PCDH15: variants seen among roughly 807,000 people sequenced by gnomAD.
PCDH15 encodes protocadherin-15.
A neutral mutation model predicts 178.5 loss-of-function variants in PCDH15; 129 were observed. That is an observed-to-expected ratio of 0.72 (90% confidence interval 0.63 to 0.84). PCDH15 has a LOEUF of 0.84. Among genes scored for constraint, PCDH15 ranks in the 40% least tolerant of loss-of-function variants. PCDH15 has a pLI of 0.00. For missense variants in PCDH15, 2,230 were observed against 2,099.9 expected (o/e 1.06, Z -1.21); for synonymous variants, 800 against 732.0 (o/e 1.09, Z -1.50).
rs1442554906 is a variant in PCDH15 at position 55,175,007 on chromosome 10, G to GT, written c.-155-8357_-155-8356insA. 8.8e-3 allele frequency among the ~76,000 whole-genome samples: 1,333 copies of GT among 152,232 alleles called. 10 individuals carry two copies. The highest frequency in any genetic ancestry group is 0.02 in the Middle Eastern group (6 of 294). The stretch of plus-strand genomic sequence containing the variant: ...TACTTTTGACTACCACTGAGAAGCA[G>GT]GCCGACTTACAAACAGCAGAGAAGT... On this transcript the variant is annotated intron_variant, in intron 1 of 5. Coordinates refer to the PCDH15 transcript ENST00000458638.
intron 1 of PCDH15, among the ~76,000 whole-genome samples, chr10:55,203,030 C>T (rs1397721211): frequency 6.6e-6 from 1 of 152,078 alleles, no homozygotes. Flanking sequence ...ACAATACCAT[C>T]AATTCAATCT....
rs183607475 is a variant in PCDH15, at chr10:54,569,957, G to A, written c.92-42080C>T. ...TTTTAGATAAGATCTAAAGTTAAAA[G>A]CTATAAATCAGACCTCTAGAGGAGG... is the stretch of plus-strand genomic sequence containing the variant. On this transcript the variant is annotated intron_variant, in intron 2 of 37. Transcript: ENST00000644397. Among the ~76,000 whole-genome samples the A allele has an allele frequency of 3.9e-4, 60 of 152,132 alleles. No homozygotes were observed. In the East Asian group the frequency reaches 0.011, roughly 28 times the overall value.
intron 5 of PCDH15, among the ~76,000 whole-genome samples, chr10:54,367,668 G>T (rs976117718): frequency 6.6e-6 from 1 of 151,784 alleles, no homozygotes; most frequent in Non-Finnish European, 1.5e-5. Context: ...GGAGTGAGGG[G>T]GTAGGAGAGG....
chr10:54,090,196 G>T, intron 15 of PCDH15, 133 bp from the exon 16 acceptor site: 2 of 717,240 alleles, frequency 2.8e-6, no homozygotes, highest in Non-Finnish European at 4.8e-6. Context: ...TTAAAGCATG[G>T]CCTAATGGCA....
chr10:55,451,657 T>C (rs543656326), intron 2 of PCDH15, among the ~76,000 whole-genome samples: 2 of 152,322 alleles, frequency 1.3e-5, no homozygotes, highest in South Asian at 4.1e-4. Context: ...ACATGTGTGA[T>C]ACTACCAAAG....
At chr10:54,277,041 CG>C (rs1366234285) in intron 8 of PCDH15, among the ~76,000 whole-genome samples, 2 of 151,486 alleles carry the variant, frequency 1.3e-5, no homozygotes, top group Non-Finnish European at 1.5e-5. Flanking sequence ...AAATTCAGCA[CG>C]TTTTTTTTCC....
intron 2 of PCDH15, among the ~76,000 whole-genome samples, chr10:55,440,728 C>G (rs12414015): frequency 6.6e-6 from 1 of 152,146 alleles, no homozygotes. Context: ...TGTATCAGTC[C>G]GTTTTCACAC....
At chr10:54,329,120 T>C (rs1299742953) in intron 7 of PCDH15, among the ~76,000 whole-genome samples, 1 of 151,872 alleles carries the variant, frequency 6.6e-6, no homozygotes, top group African/African-American at 2.4e-5. Context: ...CAATAAATGA[T>C]AGCCATGAGG....
At chr10:54,911,472 T>C (rs1415871372) in intron 2 of PCDH15, among the ~76,000 whole-genome samples, 1 of 152,186 alleles carries the variant, frequency 6.6e-6, no homozygotes, top group Non-Finnish European at 1.5e-5. Flanking sequence ...ATAATCTATA[T>C]GATGGGTATA....
chr10:54,793,421 A>G (rs1012276389), intron 1 of PCDH15, among the ~76,000 whole-genome samples: 2 of 151,780 alleles, frequency 1.3e-5, no homozygotes, highest in African/African-American at 4.8e-5. Context: ...CTGAAAAATC[A>G]TGGAATTTAG....
At chr10:55,355,534 T>C (rs568248784) in intron 2 of PCDH15, among the ~76,000 whole-genome samples, 1 of 152,114 alleles carries the variant, frequency 6.6e-6, no homozygotes, top group Admixed American at 6.6e-5. Context: ...CACATTTATA[T>C]CTTCCTGGGT....
chr10:54,536,821 A>T (rs180832876), intron 2 of PCDH15, among the ~76,000 whole-genome samples: 1 of 152,084 alleles, frequency 6.6e-6, no homozygotes, highest in African/African-American at 2.4e-5. Flanking sequence ...TGCAAACAAC[A>T]TGATTTCATT....
Position 54,242,187 on chromosome 10 carries a change from TACACAC to T in PCDH15, c.877-5262_877-5257del, listed in dbSNP as rs71007827. On this transcript the variant is annotated intron_variant, in intron 8 of 37. Coordinates refer to ENST00000644397, the MANE Select transcript of PCDH15 (RefSeq NM_001384140.1). The stretch of plus-strand genomic sequence containing the variant: ...ATATATATATATATATATATATATA[TACACAC>T]ACACACATACATACATACACATAAT... 1.4e-4 allele frequency among the ~76,000 whole-genome samples: 11 copies of T among 76,804 alleles called. 1 individual carries two copies. The highest frequency in any genetic ancestry group is 4.3e-4 in the African/African-American group (8 of 18,604). The allele number at this position is 76,804 out of a possible 152,430, so 50.4% of individuals were successfully genotyped here.
chr10:54,357,638 T>C (rs1019873278), intron 5 of PCDH15, among the ~76,000 whole-genome samples: 1 of 152,182 alleles, frequency 6.6e-6, no homozygotes, highest in African/African-American at 2.4e-5. Flanking sequence ...ATGAATGACT[T>C]TCTTCACAGA....
chr10:54,020,169 C>G, intron 20 of PCDH15, 23 bp downstream of exon 20: 2 of 1,606,088 alleles, frequency 1.2e-6, no homozygotes, highest in Non-Finnish European at 8.5e-7. Flanking sequence ...AGCAGGCAAC[C>G]AGAAGTCATC....
chr10:54,681,631 G>C (rs1431161836), intron 1 of PCDH15, among the ~76,000 whole-genome samples: 5 of 152,128 alleles, frequency 3.3e-5, no homozygotes, highest in African/African-American at 1.2e-4. Context: ...TTTTAGTGGA[G>C]GAGTGGGAAC....
intron 2 of PCDH15, among the ~76,000 whole-genome samples, chr10:55,555,748 T>C (rs980800192): frequency 1.3e-5 from 2 of 152,098 alleles, no homozygotes; most frequent in African/African-American, 4.8e-5. Flanking sequence ...TTTTAAGTGA[T>C]TTTAAAGTAT....
chr10:55,281,533 C>T lies in PCDH15; in HGVS notation c.-156+38066G>A, dbSNP rs188456503. The stretch of plus-strand genomic sequence containing the variant: ...TCTATTCATTTTCATAAGCAGATTC[C>T]GCCTACCCTTTTTATTGAATAAAGG... On this transcript the variant is annotated intron_variant, in intron 1 of 5. Coordinates refer to the PCDH15 transcript ENST00000458638. Among the ~76,000 whole-genome samples, 886 of 151,770 alleles carry T rather than the reference C, an allele frequency of 5.8e-3. 10 individuals carry two copies. The highest frequency in any genetic ancestry group is 0.019 in the African/African-American group (798 of 41,376).
chr10:54,054,297 T>C (rs2093837446), intron 18 of PCDH15, among the ~76,000 whole-genome samples: 1 of 152,068 alleles, frequency 6.6e-6, no homozygotes. Flanking sequence ...AAGGGCAACT[T>C]AGATGATACT....
Sources: allele counts gnomAD v4.1 joint callset (sites outside exome capture counted in the v4.1 genomes callset), GRCh38; gene constraint gnomAD v4.1.1; transcripts MANE v1.5; gene names NCBI Gene and HGNC (gene_info 2026-07-23, HGNC 2026-07-21).